The following HS3ST4 variants were observed in gnomAD, a reference collection of about 807,000 sequenced individuals.
The protein encoded by HS3ST4 is heparan sulfate glucosamine 3-O-sulfotransferase 4.
HS3ST4 carries 17 observed loss-of-function variants against 29.2 expected under a neutral mutation model. That is an observed-to-expected ratio of 0.58 (90% CI 0.40 to 0.87). The LOEUF is 0.87. HS3ST4 is among the 40% of genes least tolerant of loss of function. The pLI is 0.00. For missense variants in HS3ST4, 627 were observed against 634.5 expected, an observed-to-expected ratio of 0.99 and a Z score of 0.13; for synonymous variants, 314 against 285.7, an observed-to-expected ratio of 1.10 and a Z score of -1.00.
At chr16:26,019,497 A>G (rs1171657369) in intron 1 of HS3ST4, among the ~76,000 whole-genome samples, 2 of 151,806 alleles carry the variant, frequency 1.3e-5, no homozygotes, top group African/African-American at 4.9e-5. Flanking sequence ...CCTAATTTTA[A>G]CAGGAGGGCA....
intron 1 of HS3ST4, among the ~76,000 whole-genome samples, chr16:26,107,044 A>G (rs1366152074): frequency 1.3e-5 from 2 of 149,644 alleles, no homozygotes; most frequent in Non-Finnish European, 3.0e-5. Flanking sequence ...CTCTTTTCCA[A>G]CTCTCTGAGG....
rs141026655 is a variant in HS3ST4 at position 25,908,146 on chromosome 16, G to T, written c.734+214995G>T. ...AATGTCTGGCTGATTTTCGGAGCTT[G>T]GAAAACAGCGCAGGCTCAGCCTGGC... On this transcript the variant is annotated intron_variant, in intron 1 of 1. Transcript: ENST00000331351. 5.3e-5 allele frequency among the ~76,000 whole-genome samples: 8 copies of T among 152,280 alleles called. No individual in the cohort carries two copies. The East Asian group carries it at 1.5e-3, about 29-fold the overall frequency.
chr16:26,056,532 G>A (rs138181278), intron 1 of HS3ST4, among the ~76,000 whole-genome samples: 1 of 152,214 alleles, frequency 6.6e-6, no homozygotes, highest in Non-Finnish European at 1.5e-5. Context: ...CCATTGCAAG[G>A]CAGCAAAGCT....
chr16:25,724,365 CTTT>C (rs111516910), intron 1 of HS3ST4, among the ~76,000 whole-genome samples: 66,884 of 142,606 alleles, frequency 0.47, 15,346 homozygotes, highest in Admixed American at 0.55. Context: ...CTCCCCTCAA[CTTT>C]TTTTTTTTTT....
Position 25,779,575 on chromosome 16 carries a change from G to A in HS3ST4, c.734+86424G>A, listed in dbSNP as rs565620622. ...TGTCAGACCCTGAGGAGTCTAAACCGTCTAACCTCAAAAGTGTCCCTTGTA... is the reference window on the plus strand; with the variant it reads ...TGTCAGACCCTGAGGAGTCTAAACCATCTAACCTCAAAAGTGTCCCTTGTA... On this transcript the variant is annotated intron_variant, in intron 1 of 1. Coordinates refer to ENST00000331351, the MANE Select transcript of HS3ST4 (RefSeq NM_006040.3). 3.1e-4 allele frequency among the ~76,000 whole-genome samples: 47 copies of A among 152,258 alleles called. 1 individual carries two copies. The South Asian group carries it at 3.7e-3, about 12-fold the overall frequency.
At chr16:26,031,751 T>G (rs1969533205) in intron 1 of HS3ST4, among the ~76,000 whole-genome samples, 1 of 151,148 alleles carries the variant, frequency 6.6e-6, no homozygotes, top group Admixed American at 6.6e-5. Flanking sequence ...TTATTAAAGA[T>G]ACTTTCCATA....
chr16:25,701,365 G>A (rs1367726170), intron 1 of HS3ST4, among the ~76,000 whole-genome samples: 1 of 152,122 alleles, frequency 6.6e-6, no homozygotes, highest in East Asian at 1.9e-4. Context: ...CTTTGGCTTG[G>A]GGTGGTGGTA....
At chr16:25,836,191 T>G (rs1967354597) in intron 1 of HS3ST4, among the ~76,000 whole-genome samples, 1 of 152,030 alleles carries the variant, frequency 6.6e-6, no homozygotes, top group Non-Finnish European at 1.5e-5. Flanking sequence ...GGAGCCAAAA[T>G]TACAAAAAAA....
chr16:26,124,865 AACCT>A (rs1216672582), intron 1 of HS3ST4, among the ~76,000 whole-genome samples: 6 of 152,258 alleles, frequency 3.9e-5, no homozygotes, highest in Non-Finnish European at 7.3e-5. Context: ...GCTATGAGCC[AACCT>A]GCTGTAGAGG....
In HS3ST4 at chr16:25,709,804, C is replaced by T. The variant is rs556503305; in HGVS notation, c.734+16653C>T. 1.1e-4 allele frequency among the ~76,000 whole-genome samples: 17 copies of T among 152,210 alleles called. No individual in the cohort carries two copies. In the South Asian group the frequency reaches 3.3e-3, roughly 30 times the overall value. On this transcript the variant is annotated intron_variant, in intron 1 of 1. Transcript: ENST00000331351. ...AAAAAAGTATCTATGGAATCTGCCCCTCAGAAATCACTAATTATTTATTTA... is the reference window on the plus strand; with the variant it reads ...AAAAAAGTATCTATGGAATCTGCCCTTCAGAAATCACTAATTATTTATTTA...
chr16:25,857,960 C>CT (rs1201501869), intron 1 of HS3ST4, among the ~76,000 whole-genome samples: 3 of 53,564 alleles, frequency 5.6e-5, no homozygotes, highest in Admixed American at 3.8e-4. Context: ...TTCTTTCTTT[C>CT]TTTCTTTCTT....
At chr16:26,042,589 A>G (rs1219155149) in intron 1 of HS3ST4, among the ~76,000 whole-genome samples, 1 of 152,250 alleles carries the variant, frequency 6.6e-6, no homozygotes, top group Non-Finnish European at 1.5e-5. Flanking sequence ...GCATCTGAAC[A>G]GTTGAATTTA....
chr16:25,822,074 T>G (rs1967163106), intron 1 of HS3ST4, among the ~76,000 whole-genome samples: 1 of 152,184 alleles, frequency 6.6e-6, no homozygotes. Context: ...CCCAGTCTAT[T>G]CTTTGAAATC....
At chr16:25,987,218 C>T (rs1466426352) in intron 1 of HS3ST4, among the ~76,000 whole-genome samples, 1 of 152,106 alleles carries the variant, frequency 6.6e-6, no homozygotes, top group South Asian at 2.1e-4. Context: ...GGTGTGGTGG[C>T]ACATGCCTGT....
chr16:26,029,986 G>A (rs973465629), intron 1 of HS3ST4, among the ~76,000 whole-genome samples: 1 of 152,168 alleles, frequency 6.6e-6, no homozygotes, highest in Non-Finnish European at 1.5e-5. Context: ...CAAATTCTTA[G>A]TCCCCCCATC....
rs1362348614 is a variant in HS3ST4, at chr16:25,692,087, G to A, written c.-331G>A. 6 of 151,268 alleles carry A rather than the reference G, an allele frequency of 4.0e-5. No individual in the cohort carries two copies. Among genetic ancestry groups the A allele is most frequent in the Non-Finnish European group, 8.8e-5 (6 of 67,886 alleles). The allele number at this position is 151,268 out of a possible 1,614,324, so 9.4% of individuals were successfully genotyped here. On this transcript the variant is annotated 5_prime_UTR_variant, in exon 1 of 2. Coordinates refer to ENST00000331351, the MANE Select transcript of HS3ST4 (RefSeq NM_006040.3). Reference sequence around the variant, plus strand: ...GCCGCGGCGGAGCCGGGGAAGCGGGGGCGCTGCAGACGGAGCAGGTGCCGC... The same window carrying A: ...GCCGCGGCGGAGCCGGGGAAGCGGGAGCGCTGCAGACGGAGCAGGTGCCGC...
intron 1 of HS3ST4, among the ~76,000 whole-genome samples, chr16:25,834,021 GA>G (rs953108890): frequency 2.0e-5 from 3 of 149,306 alleles, no homozygotes; most frequent in East Asian, 1.9e-4. Flanking sequence ...TGGCAAATTT[GA>G]AAAAAAAATG....
intron 1 of HS3ST4, among the ~76,000 whole-genome samples, chr16:26,024,353 G>A (rs890516798): frequency 2.0e-5 from 3 of 152,148 alleles, no homozygotes; most frequent in Non-Finnish European, 4.4e-5. Context: ...TCATGGCCCA[G>A]TTTGATAATC....
chr16:26,049,405 A>ACATCCGGAGG, intron 1 of HS3ST4, among the ~76,000 whole-genome samples: 1 of 125,978 alleles, frequency 7.9e-6, no homozygotes, highest in African/African-American at 3.6e-5. Context: ...ACATCCGGAG[A>ACATCCGGAGG]ATGATGTGGC....
Sources: gnomAD v4.1 joint callset for allele counts (sites outside exome capture counted in the v4.1 genomes callset) on GRCh38, gnomAD v4.1.1 for gene constraint, MANE v1.5 for transcripts, NCBI Gene and HGNC (gene_info 2026-07-23, HGNC 2026-07-21) for gene names.